The following CHN2 variants were observed in gnomAD, a reference collection of about 807,000 sequenced individuals.
CHN2 encodes beta-chimaerin.
A neutral mutation model predicts 56.3 loss-of-function variants in CHN2; 35 were observed. That is an observed-to-expected ratio of 0.62 (90% CI 0.47 to 0.82). The LOEUF is 0.82. CHN2 is among the 40% of genes least tolerant of loss of function. CHN2 has a pLI of 0.00. For missense variants in CHN2, 491 were observed against 580.5 expected (o/e 0.85, Z 1.58); for synonymous variants, 210 against 212.8 (o/e 0.99, Z 0.12).
rs577296694 is a variant in CHN2 at position 29,425,300 on chromosome 7, T to C, written c.576+24472T>C. Among the ~76,000 whole-genome samples, 106 of 152,298 alleles carry C rather than the reference T, an allele frequency of 7.0e-4. 2 individuals are homozygous for C. The highest frequency in any genetic ancestry group is 2.5e-3 in the African/African-American group (104 of 41,546). On this transcript the variant is annotated intron_variant, in intron 6 of 12. Transcript: ENST00000222792. ...CAGAGCTGTCTTCTCCTCCCACTAC[T>C]GCAATCAGCAGCATCCAAGATGGTG...
At chr7:29,255,801 T>C (rs1789027864) in intron 1 of CHN2, among the ~76,000 whole-genome samples, 1 of 152,234 alleles carries the variant, frequency 6.6e-6, no homozygotes, top group East Asian at 1.9e-4. Context: ...TTTCTCTCTT[T>C]GCAGGCTGAT....
intron 1 of CHN2, among the ~76,000 whole-genome samples, chr7:29,250,128 A>G (rs1788381080): frequency 6.6e-6 from 1 of 152,216 alleles, no homozygotes; most frequent in East Asian, 1.9e-4. Flanking sequence ...GTTAGCTCAG[A>G]TTTCTATTAA....
chr7:29,437,365 G>A (rs1389994509), intron 6 of CHN2, among the ~76,000 whole-genome samples: 4 of 84,896 alleles, frequency 4.7e-5, no homozygotes, highest in Admixed American at 2.1e-4. Context: ...TTGGGAGGCC[G>A]AGGCGGGCGG....
chr7:29,258,866 A>C (rs1455991825), intron 1 of CHN2, among the ~76,000 whole-genome samples: 1 of 151,772 alleles, frequency 6.6e-6, no homozygotes, highest in African/African-American at 2.4e-5. Context: ...TCCCACTTCC[A>C]TCTTTCTATC....
intron 1 of CHN2, among the ~76,000 whole-genome samples, chr7:29,219,361 C>A (rs1173922939): frequency 6.6e-6 from 1 of 151,734 alleles, no homozygotes; most frequent in Non-Finnish European, 1.5e-5. Context: ...AATTAAAATG[C>A]TAATAAGGGA....
chr7:29,206,813 G>A (rs764915554), intron 1 of CHN2, among the ~76,000 whole-genome samples: 8 of 152,120 alleles, frequency 5.3e-5, no homozygotes, highest in Non-Finnish European at 7.4e-5. Flanking sequence ...CCAGGGATGA[G>A]CCTGGAAAAC....
At chr7:29,250,507 A>G (rs908586184) in intron 1 of CHN2, among the ~76,000 whole-genome samples, 3 of 152,210 alleles carry the variant, frequency 2.0e-5, no homozygotes, top group African/African-American at 7.2e-5. Flanking sequence ...GTAGGAAGGT[A>G]CAGAAGACAT....
At chr7:29,433,713 C>A (rs1339330402) in intron 6 of CHN2, among the ~76,000 whole-genome samples, 1 of 152,058 alleles carries the variant, frequency 6.6e-6, no homozygotes, top group Non-Finnish European at 1.5e-5. Context: ...GTGGCACATG[C>A]CTGTAATCCC....
intron 6 of CHN2, among the ~76,000 whole-genome samples, chr7:29,415,017 C>T (rs112551278): frequency 7.9e-5 from 12 of 152,286 alleles, no homozygotes; most frequent in East Asian, 3.9e-4. Context: ...CACACCCCAC[C>T]GGCGTGTTCT....
chr7:29,159,598 A>C (rs373897705), intron 2 of CHN2, among the ~76,000 whole-genome samples: 3 of 152,190 alleles, frequency 2.0e-5, no homozygotes, highest in African/African-American at 7.2e-5. Context: ...TTCCCACACA[A>C]GTCTTATGCC....
At chr7:29,178,391 G>T (rs1194318891) in intron 2 of CHN2, among the ~76,000 whole-genome samples, 4 of 152,040 alleles carry the variant, frequency 2.6e-5, no homozygotes, top group Non-Finnish European at 5.9e-5. Flanking sequence ...TCTGCGTGCG[G>T]TTTCATTCCT....
At chr7:29,169,880 G>GTA (rs61360748) in intron 2 of CHN2, among the ~76,000 whole-genome samples, 3,989 of 150,002 alleles carry the variant, frequency 0.027, 153 homozygotes, top group African/African-American at 0.09. Context: ...GTGTGTGTGT[G>GTA]TATATATATA....
chr7:29,385,477 C>T lies in CHN2; in HGVS notation c.145-8202C>T, dbSNP rs563217036. ...ACTAGAGGCCAGGAATACCCTCCCC[C>T]GAGTCCTGACAGTCAAAACTGTCAT... On this transcript the variant is annotated intron_variant, in intron 3 of 12. Coordinates refer to ENST00000222792, the MANE Select transcript of CHN2 (RefSeq NM_004067.4). 3.9e-5 allele frequency among the ~76,000 whole-genome samples: 6 copies of T among 152,214 alleles called. No homozygotes were observed. The East Asian group carries it at 5.8e-4, about 15-fold the overall frequency.
intron 1 of CHN2, among the ~76,000 whole-genome samples, chr7:29,238,086 C>T (rs974262341): frequency 2.8e-5 from 4 of 143,970 alleles, no homozygotes; most frequent in South Asian, 2.2e-4. Context: ...GGTACGATCT[C>T]GGCTTGCTGC....
intron 1 of CHN2, among the ~76,000 whole-genome samples, chr7:29,281,570 C>G (rs1271779824): frequency 6.6e-6 from 1 of 152,138 alleles, no homozygotes; most frequent in African/African-American, 2.4e-5. Context: ...GCTCCAAGTT[C>G]CCCTCCTATT....
intron 6 of CHN2, among the ~76,000 whole-genome samples, chr7:29,470,218 C>T (rs184845670): frequency 6.6e-6 from 1 of 152,300 alleles, no homozygotes; most frequent in East Asian, 1.9e-4. Context: ...GCTAGTCTTC[C>T]CAAACACAAA....
At chr7:29,473,893 T>C (rs1461189996) in intron 6 of CHN2, among the ~76,000 whole-genome samples, 1 of 152,146 alleles carries the variant, frequency 6.6e-6, no homozygotes, top group Non-Finnish European at 1.5e-5. Context: ...GCACACTAAA[T>C]CTAATAAGAG....
At chr7:29,488,012 G>A (rs897291834) in intron 7 of CHN2, among the ~76,000 whole-genome samples, 3 of 152,228 alleles carry the variant, frequency 2.0e-5, no homozygotes, top group Non-Finnish European at 4.4e-5. Context: ...ATGCAGTGGG[G>A]AGACTCCCAG....
intron 6 of CHN2, among the ~76,000 whole-genome samples, chr7:29,421,499 C>T (rs773478903): frequency 1.3e-5 from 2 of 152,152 alleles, no homozygotes; most frequent in Non-Finnish European, 2.9e-5. Flanking sequence ...TTGCACCTGC[C>T]GCCCTAACCA....
Sources: gnomAD v4.1 joint callset for allele counts (sites outside exome capture counted in the v4.1 genomes callset) on GRCh38, gnomAD v4.1.1 for gene constraint, MANE v1.5 for transcripts, NCBI Gene and HGNC (gene_info 2026-07-23, HGNC 2026-07-21) for gene names.